Variants in MMS22L observed in about 807,000 individuals in gnomAD.
The protein encoded by MMS22L is protein MMS22-like.
In MMS22L, 74 loss-of-function variants were observed where a neutral mutation model predicts 159.1. That is an observed-to-expected ratio of 0.47 (90% CI 0.39 to 0.56). The LOEUF is 0.56. MMS22L is among the 20% of genes least tolerant of loss of function. The pLI, the probability that MMS22L is intolerant of heterozygous loss-of-function variation, is 0.00. For synonymous variants in MMS22L, 517 were observed against 506.9 expected (o/e 1.02, Z -0.27); for missense variants, 1,351 against 1,422.1 (o/e 0.95, Z 0.80).
chr6:97,267,592 C>T (rs1815259120), intron 8 of MMS22L: 1 of 177,902 alleles, frequency 5.6e-6, no homozygotes, highest in South Asian at 2.0e-4. Context: ...TTTCGGTAAA[C>T]ATCATTTTTA....
chr6:97,204,346 TC>T (rs1203256290), intron 14 of MMS22L, among the ~76,000 whole-genome samples: 2 of 152,170 alleles, frequency 1.3e-5, no homozygotes, highest in Admixed American at 6.5e-5. Context: ...AAATTTACCA[TC>T]CTCATGGTTA....
intron 7 of MMS22L, among the ~76,000 whole-genome samples, 179 bp downstream of exon 7, chr6:97,269,723 T>C (rs1333842692): frequency 6.6e-6 from 1 of 152,126 alleles, no homozygotes; most frequent in African/African-American, 2.4e-5. Flanking sequence ...TATGGAAAGA[T>C]AAACCAAGCT....
At chr6:97,161,612 G>C (rs1802443718) in intron 22 of MMS22L, among the ~76,000 whole-genome samples, 1 of 152,002 alleles carries the variant, frequency 6.6e-6, no homozygotes, top group Non-Finnish European at 1.5e-5. Flanking sequence ...AATCAGCTTA[G>C]ATATTCCAGC....
intron 3 of MMS22L, among the ~76,000 whole-genome samples, chr6:97,279,342 G>A (rs1049645551): frequency 1.7e-4 from 26 of 151,992 alleles, no homozygotes; most frequent in African/African-American, 5.8e-4. Flanking sequence ...AAATTAGCCC[G>A]GCATGGTGGC....
chr6:97,200,069 A>G (rs781722133), intron 14 of MMS22L, among the ~76,000 whole-genome samples: 9 of 152,068 alleles, frequency 5.9e-5, no homozygotes, highest in Non-Finnish European at 1.0e-4. Context: ...TGTTGTAGTC[A>G]ACAATCCAAC....
chr6:97,150,782 C>T (rs1229149346), intron 23 of MMS22L, among the ~76,000 whole-genome samples: 5 of 152,028 alleles, frequency 3.3e-5, no homozygotes, highest in South Asian at 2.1e-4. Context: ...ATGAAGGAAA[C>T]GAACGCAAAT....
chr6:97,174,260 TA>T lies in MMS22L; in HGVS notation c.2680-1039del, dbSNP rs966525669. Among the ~76,000 whole-genome samples the T allele has an allele frequency of 7.5e-3, 961 of 128,548 alleles. 9 individuals carry two copies. The highest frequency in any genetic ancestry group is 0.019 in the African/African-American group (657 of 34,460). 84.3% of individuals were successfully genotyped at this position (128,548 alleles called of 152,430 possible). On this transcript the variant is annotated intron_variant, in intron 18 of 24. Coordinates refer to ENST00000683635, the MANE Select transcript of MMS22L (RefSeq NM_001350599.2). ...GAGCAAGACTGTCTCAAAAAAAAAA[TA>T]AAAAAAAAAAAAAAATAAAAAGAAA...
intron 14 of MMS22L, among the ~76,000 whole-genome samples, chr6:97,214,361 T>A (rs1808736777): frequency 6.6e-6 from 1 of 152,196 alleles, no homozygotes; most frequent in South Asian, 2.1e-4. Context: ...TGAACACCAA[T>A]AATAATGTAG....
At chr6:97,265,211 A>AG (rs1814961932) in intron 8 of MMS22L, 1 of 152,344 alleles carries the variant, frequency 6.6e-6, no homozygotes, top group Admixed American at 6.5e-5. Flanking sequence ...AGAACAAAAC[A>AG]GAACAATTGA....
chr6:97,237,491 C>A (rs1383770909), intron 11 of MMS22L, among the ~76,000 whole-genome samples: 2 of 152,052 alleles, frequency 1.3e-5, no homozygotes, highest in Non-Finnish European at 2.9e-5. Context: ...GCTTTTATGG[C>A]ACACTAGGCA....
chr6:97,243,674 C>T (rs1812324124), intron 11 of MMS22L, among the ~76,000 whole-genome samples: 1 of 151,970 alleles, frequency 6.6e-6, no homozygotes, highest in Non-Finnish European at 1.5e-5. Flanking sequence ...GTCCTATTAC[C>T]AGAATTGTTT....
intron 22 of MMS22L, 114 bp from the exon 23 acceptor site, chr6:97,151,981 TC>T (rs1341679681): frequency 5.6e-6 from 4 of 715,092 alleles, no homozygotes; most frequent in African/African-American, 5.4e-5. Context: ...AGTATGTACA[TC>T]CTTTTTCTAT....
intron 19 of MMS22L, among the ~76,000 whole-genome samples, chr6:97,168,499 TC>T (rs1803208490): frequency 6.6e-6 from 1 of 152,098 alleles, no homozygotes; most frequent in South Asian, 2.1e-4. Flanking sequence ...TGGTTAAGTA[TC>T]CCTAATCTGA....
At chr6:97,148,021 C>T (rs1800994688) in intron 24 of MMS22L, among the ~76,000 whole-genome samples, 1 of 152,100 alleles carries the variant, frequency 6.6e-6, no homozygotes, top group Non-Finnish European at 1.5e-5. Flanking sequence ...TAGTCATGCA[C>T]TACATTAAAA....
rs766082172 is a variant in MMS22L at position 97,267,882 on chromosome 6, C to T, written c.818G>A (p.Arg273Lys). ...LCDLISLSLNRYDKVRSSESL... is the reference protein window; with the variant it reads ...LCDLISLSLNKYDKVRSSESL... ...CTCTTAAAGCATTACCTTGTCGTAC[C>T]TGTTGAGTGACAGGCTTATTAAATC... is the stretch of plus-strand genomic sequence containing the variant. The change falls in exon 8 of 25, where the codon AGG becomes AAG. Residue 273 changes from arginine (R) to lysine (K), a missense_variant. Physicochemically the swap from Arg to Lys is conservative, Grantham distance 26. Transcript: ENST00000683635. 6.2e-7 allele frequency: 1 copy of T among 1,604,310 alleles called. No homozygotes were observed. The highest frequency in any genetic ancestry group is 8.5e-7 in the Non-Finnish European group (1 of 1,176,966).
intron 19 of MMS22L, among the ~76,000 whole-genome samples, chr6:97,169,265 C>T (rs923409335): frequency 2.0e-4 from 30 of 152,024 alleles, no homozygotes; most frequent in African/African-American, 6.8e-4. Context: ...TAAAGCTTAA[C>T]AAATGAGCAC....
intron 23 of MMS22L, among the ~76,000 whole-genome samples, chr6:97,150,662 T>A (rs1370231817): frequency 6.6e-6 from 1 of 152,160 alleles, no homozygotes; most frequent in East Asian, 1.9e-4. Flanking sequence ...GCTTCACAAT[T>A]TTCACAAATC....
At chr6:97,265,970 T>C (rs1266879780) in intron 8 of MMS22L, 1 of 152,190 alleles carries the variant, frequency 6.6e-6, no homozygotes, top group East Asian at 1.9e-4. Flanking sequence ...TCTGCCTGCC[T>C]CGGCCTCCCA....
At chr6:97,244,771 G>A (rs1812452566) in intron 11 of MMS22L, among the ~76,000 whole-genome samples, 1 of 152,050 alleles carries the variant, frequency 6.6e-6, no homozygotes, top group Non-Finnish European at 1.5e-5. Context: ...ATATATATTA[G>A]TTCTGTCCCT....
Sources: allele counts gnomAD v4.1 joint callset (sites outside exome capture counted in the v4.1 genomes callset), GRCh38; gene constraint gnomAD v4.1.1; transcripts MANE v1.5; gene names NCBI Gene and HGNC (gene_info 2026-07-23, HGNC 2026-07-21).